DPYSL3: variants seen among roughly 807,000 people sequenced by gnomAD.
DPYSL3 encodes the protein dihydropyrimidinase-related protein 3.
A neutral mutation model predicts 66.1 loss-of-function variants in DPYSL3; 16 were observed. The ratio of observed to expected loss-of-function variants is 0.24; its 90% CI spans 0.16 to 0.37. The LOEUF (loss-of-function observed/expected upper bound fraction) is 0.37. Among genes scored for constraint, DPYSL3 ranks in the 10% least tolerant of loss-of-function variants. The probability of loss-of-function intolerance (pLI) is 1.00; values close to 1 mark genes in which losing one functional copy is unlikely to be tolerated. For missense variants in DPYSL3, 738 were observed against 916.2 expected (o/e 0.81, Z 2.51); for synonymous variants, 338 against 345.1 (o/e 0.98, Z 0.23).
At chr5:147,490,261 A>T (rs1753395432) in intron 1 of DPYSL3, among the ~76,000 whole-genome samples, 1 of 152,220 alleles carries the variant, frequency 6.6e-6, no homozygotes, top group Non-Finnish European at 1.5e-5. Flanking sequence ...CACAAAAATG[A>T]TCACATGCAG....
intron 1 of DPYSL3, among the ~76,000 whole-genome samples, chr5:147,499,690 G>A (rs962631549): frequency 6.6e-6 from 1 of 152,072 alleles, no homozygotes. Flanking sequence ...TTGTTTTGTT[G>A]ATATCAACAA....
chr5:147,454,350 G>C (rs766722978), intron 1 of DPYSL3: 10 of 152,250 alleles, frequency 6.6e-5, no homozygotes, highest in Non-Finnish European at 1.5e-4. Context: ...AGACGCCGGA[G>C]ACTGGTCCGA....
chr5:147,397,334 C>T (rs903823254), intron 12 of DPYSL3, among the ~76,000 whole-genome samples: 8 of 151,094 alleles, frequency 5.3e-5, no homozygotes, highest in East Asian at 2.0e-4. Flanking sequence ...TGTGGATTCT[C>T]GGTTCTCACC....
Position 147,395,656 on chromosome 5 carries a change from G to A in DPYSL3, c.1869C>T (p.Thr623=). Residue 623 remains threonine, a synonymous_variant, in exon 13 of 14, where the codon ACC becomes ACT. Transcript: ENST00000343218. ...YDGPVFDLTT[T]PKGGTPAGSA... ...AGCCTGCGGGGGTGCCACCTTTGGGGGTGGTGGTCAGGTCAAACACAGGCC... is the reference window on the plus strand; with the variant it reads ...AGCCTGCGGGGGTGCCACCTTTGGGAGTGGTGGTCAGGTCAAACACAGGCC... The A allele has an allele frequency of 6.2e-7, 1 of 1,614,116 alleles. No homozygotes were observed.
At chr5:147,424,754 C>A (rs1561782977) in intron 2 of DPYSL3, 121 bp downstream of exon 2, 2 of 761,716 alleles carry the variant, frequency 2.6e-6, no homozygotes, top group African/African-American at 3.6e-5. Context: ...CAGTATCTCA[C>A]TTCATTCTGT....
rs1223558179 is a variant in DPYSL3, at chr5:147,508,993, C to G, written c.381+485G>C. On this transcript the variant is annotated intron_variant, in intron 1 of 13. Coordinates refer to ENST00000343218, the MANE Select transcript of DPYSL3 (RefSeq NM_001197294.2). ...ATGTTTGAAGACTGAGAGGGGAGAC[C>G]GCCCCTCCAGTACTTTCATCCGGGC... 2.0e-5 allele frequency among the ~76,000 whole-genome samples: 3 copies of G among 152,132 alleles called. No individual in the cohort carries two copies. The East Asian group carries it at 5.8e-4, about 29-fold the overall frequency.
rs1752823068 is a variant in DPYSL3, at chr5:147,455,120, A to G, written c.382-30157T>C. 4.6e-5 allele frequency among the ~76,000 whole-genome samples: 7 copies of G among 152,358 alleles called. No individual in the cohort carries two copies. The South Asian group carries it at 1.4e-3, about 32-fold the overall frequency. On this transcript the variant is annotated intron_variant, in intron 1 of 13. Coordinates refer to ENST00000343218, the MANE Select transcript of DPYSL3 (RefSeq NM_001197294.2). ...TTCCATAAGGCAGCCCACTGATGGCAATTCTAGACATCTTGTCATTAAAGT... is the reference window on the plus strand; with the variant it reads ...TTCCATAAGGCAGCCCACTGATGGCGATTCTAGACATCTTGTCATTAAAGT...
chr5:147,406,898 CT>C (rs1273117104), intron 7 of DPYSL3, among the ~76,000 whole-genome samples: 1 of 152,178 alleles, frequency 6.6e-6, no homozygotes, highest in African/African-American at 2.4e-5. Flanking sequence ...GCAGACAGAC[CT>C]AAGAACTTGG....
At chr5:147,399,457 G>A (rs1345726039) in intron 10 of DPYSL3, among the ~76,000 whole-genome samples, 2 of 149,742 alleles carry the variant, frequency 1.3e-5, no homozygotes, top group African/African-American at 2.4e-5. Context: ...TCAAACACAT[G>A]GTTTAAGATA....
intron 1 of DPYSL3, among the ~76,000 whole-genome samples, chr5:147,474,248 C>T (rs1186530777): frequency 6.6e-6 from 1 of 152,084 alleles, no homozygotes; most frequent in East Asian, 1.9e-4. Context: ...CTCCCATACA[C>T]ATAATGACAA....
chr5:147,470,542 G>A (rs1753070813), intron 1 of DPYSL3, among the ~76,000 whole-genome samples: 1 of 152,056 alleles, frequency 6.6e-6, no homozygotes, highest in South Asian at 2.1e-4. Context: ...ACCTGTAAGT[G>A]AGTCTCCAAT....
intron 1 of DPYSL3, among the ~76,000 whole-genome samples, chr5:147,482,423 A>G (rs1037000276): frequency 6.6e-6 from 1 of 152,186 alleles, no homozygotes; most frequent in African/African-American, 2.4e-5. Context: ...CTCCATCTAG[A>G]TCTATATTTG....
At chr5:147,498,600 A>G (rs1753556958) in intron 1 of DPYSL3, among the ~76,000 whole-genome samples, 1 of 151,968 alleles carries the variant, frequency 6.6e-6, no homozygotes, top group Non-Finnish European at 1.5e-5. Flanking sequence ...ACCAATGTCT[A>G]TTATTTTTTG....
At chr5:147,405,772 T>C in intron 7 of DPYSL3, 42 bp from the exon 8 acceptor site, 1 of 1,583,308 alleles carries the variant, frequency 6.3e-7, no homozygotes, top group Non-Finnish European at 8.6e-7. Context: ...AACATGAACC[T>C]CTCAAACTGG....
chr5:147,437,288 C>T (rs1311603290), intron 1 of DPYSL3, among the ~76,000 whole-genome samples: 2 of 152,174 alleles, frequency 1.3e-5, no homozygotes, highest in African/African-American at 2.4e-5. Flanking sequence ...GAAACCTTTT[C>T]ACCAAATCTG....
At chr5:147,397,925 G>A (rs1758045459) in intron 11 of DPYSL3, 80 bp from the exon 12 acceptor site, 51 of 1,363,234 alleles carry the variant, frequency 3.7e-5, no homozygotes, top group Non-Finnish European at 4.8e-5. Context: ...GACCTTCAGT[G>A]TCATTTGCTG....
intron 6 of DPYSL3, among the ~76,000 whole-genome samples, chr5:147,410,846 C>T (rs868126113): frequency 1.1e-4 from 17 of 152,234 alleles, no homozygotes; most frequent in South Asian, 4.1e-4. Flanking sequence ...TTAATAAACA[C>T]ACACAATAAA....
At chr5:147,439,489 GA>G (rs1752491090) in intron 1 of DPYSL3, among the ~76,000 whole-genome samples, 1 of 152,194 alleles carries the variant, frequency 6.6e-6, no homozygotes. Context: ...GGAGACCAGA[GA>G]AGTAGGCAGG....
chr5:147,454,890 G>A (rs1752817155), intron 1 of DPYSL3, among the ~76,000 whole-genome samples: 1 of 152,164 alleles, frequency 6.6e-6, no homozygotes, highest in African/African-American at 2.4e-5. Flanking sequence ...CTGGGGGTGA[G>A]GGAGCTCCTC....
Sources: gnomAD v4.1 joint callset for allele counts (sites outside exome capture counted in the v4.1 genomes callset) on GRCh38, gnomAD v4.1.1 for gene constraint, MANE v1.5 for transcripts, NCBI Gene and HGNC (gene_info 2026-07-23, HGNC 2026-07-21) for gene names.